The following RORA variants were observed in gnomAD, a reference collection of about 807,000 sequenced individuals.
The protein encoded by RORA is nuclear receptor ROR-alpha.
RORA carries 7 observed loss-of-function variants against 69.5 expected under a neutral mutation model. The ratio of observed to expected loss-of-function variants is 0.10; its 90% CI spans 0.06 to 0.19. The LOEUF (loss-of-function observed/expected upper bound fraction) is 0.19, where lower values mean the gene tolerates loss of function less well. RORA is among the 10% of genes least tolerant of loss of function. RORA has a pLI of 1.00. For synonymous variants in RORA, 261 were observed against 240.8 expected (o/e 1.08, Z -0.78); for missense variants, 457 against 663.0 (o/e 0.69, Z 3.41).
chr15:61,208,318 T>C (rs1327569929), intron 1 of RORA, among the ~76,000 whole-genome samples: 1 of 152,184 alleles, frequency 6.6e-6, no homozygotes, highest in Non-Finnish European at 1.5e-5. Context: ...ACACATAGTA[T>C]ATGATTCCAC....
In RORA at chr15:60,666,477, A is replaced by T. The variant is rs146393089; in HGVS notation, c.196+12180T>A. On this transcript the variant is annotated intron_variant, in intron 2 of 10. Transcript: ENST00000335670. The stretch of plus-strand genomic sequence containing the variant: ...TGGGACTACAGGCATGAGCCACCAC[A>T]CCCGGCCAAAAAAATTAAAGAATAT... 8.4e-4 allele frequency among the ~76,000 whole-genome samples: 125 copies of T among 149,512 alleles called. 1 individual carries two copies. The highest frequency in any genetic ancestry group is 3.0e-3 in the African/African-American group (122 of 40,500).
intron 1 of RORA, among the ~76,000 whole-genome samples, chr15:60,939,169 GATTCACTCACTC>G (rs1892614420): frequency 6.6e-6 from 1 of 152,238 alleles, no homozygotes; most frequent in East Asian, 1.9e-4. Context: ...TCCAATCATG[GATTCACTCACTC>G]ATTCACTCAC....
At chr15:60,850,261 C>G (rs573025828) in intron 1 of RORA, among the ~76,000 whole-genome samples, 1 of 152,298 alleles carries the variant, frequency 6.6e-6, no homozygotes, top group East Asian at 1.9e-4. Context: ...GAACTTAGAA[C>G]AACCCTCTTT....
chr15:60,726,280 G>A (rs977704562), intron 1 of RORA, among the ~76,000 whole-genome samples: 51 of 152,280 alleles, frequency 3.3e-4, no homozygotes, highest in African/African-American at 1.2e-3. Context: ...AGGTTAATAA[G>A]AGGTCATGCT....
chr15:61,175,764 T>C (rs766372617), intron 1 of RORA, among the ~76,000 whole-genome samples: 1 of 152,142 alleles, frequency 6.6e-6, no homozygotes, highest in African/African-American at 2.4e-5. Flanking sequence ...ACCAAAGTTA[T>C]GTGTTTGCCC....
At chr15:61,008,203 C>CTCTGTG (rs3222396) in intron 1 of RORA, among the ~76,000 whole-genome samples, 9 of 135,136 alleles carry the variant, frequency 6.7e-5, no homozygotes, top group African/African-American at 2.2e-4. Flanking sequence ...CTCTCTCTCT[C>CTCTGTG]TGTGTGTGTG....
intron 1 of RORA, among the ~76,000 whole-genome samples, chr15:61,175,883 AT>A (rs1217755769): frequency 2.0e-5 from 3 of 152,146 alleles, no homozygotes; most frequent in African/African-American, 7.2e-5. Context: ...TCATAAGAAA[AT>A]GTCACAAGTT....
chr15:60,718,986 C>T (rs769696497), intron 1 of RORA, among the ~76,000 whole-genome samples: 8 of 140,964 alleles, frequency 5.7e-5, no homozygotes, highest in Non-Finnish European at 9.3e-5. Flanking sequence ...AGTTCAAGGA[C>T]TGGCCTTGAG....
chr15:60,811,319 G>T (rs538337784), intron 1 of RORA, among the ~76,000 whole-genome samples: 62 of 152,262 alleles, frequency 4.1e-4, no homozygotes, highest in African/African-American at 1.4e-3. Context: ...CATGGCACTG[G>T]GTTCTGTGAT....
chr15:60,701,252 T>C (rs2070977344), intron 1 of RORA, among the ~76,000 whole-genome samples: 1 of 152,102 alleles, frequency 6.6e-6, no homozygotes, highest in Admixed American at 6.5e-5. Context: ...TCTTGGAAAA[T>C]ATCTCTTGAA....
intron 1 of RORA, among the ~76,000 whole-genome samples, chr15:61,121,263 C>G (rs811449): frequency 0.46 from 70,433 of 151,960 alleles, 16,767 homozygotes; most frequent in African/African-American, 0.55. Context: ...TCTTGCTCAA[C>G]GGCACAGAGC....
rs1422795762 is a variant in RORA at position 61,147,223 on chromosome 15, C to A, written c.166+81830G>T. Among the ~76,000 whole-genome samples, 1 of 152,136 alleles carries A rather than the reference C, an allele frequency of 6.6e-6. No individual in the cohort carries two copies. The highest frequency in any genetic ancestry group is 1.5e-5 in the Non-Finnish European group (1 of 68,034). ...GCCTTGAACCACACAGCACCGTGGTCGTTTCCACCACCCAAGAGAACCGTA... is the reference window on the plus strand; with the variant it reads ...GCCTTGAACCACACAGCACCGTGGTAGTTTCCACCACCCAAGAGAACCGTA... On this transcript the variant is annotated intron_variant, in intron 1 of 10. Transcript: ENST00000335670. The surrounding 1 kb of genome is among the most constrained non-coding windows in gnomAD (Gnocchi z 4.1).
chr15:60,542,434 C>A (rs1286669259), intron 2 of RORA, among the ~76,000 whole-genome samples: 1 of 149,944 alleles, frequency 6.7e-6, no homozygotes, highest in African/African-American at 2.5e-5. Context: ...CAGATGCACA[C>A]CTCACAGCAC....
intron 1 of RORA, among the ~76,000 whole-genome samples, chr15:60,902,237 G>C (rs187630219): frequency 7.2e-5 from 11 of 152,118 alleles, no homozygotes; most frequent in Admixed American, 5.2e-4. Context: ...CTGCAGTGAA[G>C]GCTCTTTAGA....
intron 2 of RORA, among the ~76,000 whole-genome samples, chr15:60,629,863 T>C (rs2069694472): frequency 6.6e-6 from 1 of 152,136 alleles, no homozygotes; most frequent in South Asian, 2.1e-4. Flanking sequence ...TATAGGAGCG[T>C]CTACATAAAT....
At chr15:61,033,018 C>A (rs1595896845) in intron 1 of RORA, among the ~76,000 whole-genome samples, 1 of 152,144 alleles carries the variant, frequency 6.6e-6, no homozygotes, top group East Asian at 1.9e-4. Context: ...GTAGGCATTG[C>A]CTTTCCTGTT....
chr15:60,786,298 G>C (rs1195678886), intron 1 of RORA, among the ~76,000 whole-genome samples: 1 of 152,214 alleles, frequency 6.6e-6, no homozygotes, highest in Non-Finnish European at 1.5e-5. Flanking sequence ...GCTCCTTGTT[G>C]AAAGGTCAGG....
At chr15:61,146,870 G>C (rs2079354527) in intron 1 of RORA, among the ~76,000 whole-genome samples, 1 of 151,994 alleles carries the variant, frequency 6.6e-6, no homozygotes, top group African/African-American at 2.4e-5. Flanking sequence ...CAGACACACA[G>C]AGCTAGAAAA....
intron 1 of RORA, among the ~76,000 whole-genome samples, chr15:61,023,699 G>A (rs947960229): frequency 6.6e-6 from 1 of 152,210 alleles, no homozygotes; most frequent in Non-Finnish European, 1.5e-5. Context: ...GGATATTTTT[G>A]TCTAAGCATA....
Sources: allele counts gnomAD v4.1 joint callset (sites outside exome capture counted in the v4.1 genomes callset), GRCh38; gene constraint gnomAD v4.1.1; non-coding constraint Gnocchi (gnomAD v3.1); transcripts MANE v1.5; gene names NCBI Gene and HGNC (gene_info 2026-07-23, HGNC 2026-07-21).